TRIP4: variants seen among roughly 807,000 people sequenced by gnomAD.
TRIP4 encodes thyroid hormone receptor interactor 4.
Under a neutral mutation model 81.8 loss-of-function variants are expected in TRIP4, and 54 were observed. The observed-to-expected ratio is 0.66, with a 90% CI of 0.53 to 0.83. TRIP4 has a LOEUF of 0.83. TRIP4 is among the 40% of genes least tolerant of loss of function. TRIP4 has a pLI of 0.00. For synonymous variants in TRIP4, 270 were observed against 242.8 expected, an observed-to-expected ratio of 1.11 and a Z score of -1.04; for missense variants, 662 against 683.6, an observed-to-expected ratio of 0.97 and a Z score of 0.35.
intron 4 of TRIP4, 135 bp downstream of exon 4, chr15:64,397,953 T>G (rs1231059765): frequency 1.1e-5 from 10 of 947,800 alleles, no homozygotes; most frequent in Non-Finnish European, 1.5e-5. Flanking sequence ...CAGGCTGGAG[T>G]GCAGTGGCAC....
At chr15:64,402,632 T>C (rs1891536826) in intron 5 of TRIP4, among the ~76,000 whole-genome samples, 1 of 151,774 alleles carries the variant, frequency 6.6e-6, no homozygotes, top group African/African-American at 2.4e-5. Context: ...CAAGTGATTC[T>C]CCTGCTTCAG....
chr15:64,419,970 C>A (rs1337638617), intron 9 of TRIP4, among the ~76,000 whole-genome samples: 1 of 151,812 alleles, frequency 6.6e-6, no homozygotes. Flanking sequence ...CGCCCGCCAC[C>A]ACACCTGGTT....
intron 4 of TRIP4, among the ~76,000 whole-genome samples, chr15:64,398,666 G>A (rs975477049): frequency 6.6e-6 from 1 of 151,950 alleles, no homozygotes; most frequent in African/African-American, 2.4e-5. Flanking sequence ...GAGATCCAAG[G>A]GCTAGGAGCC....
intron 9 of TRIP4, among the ~76,000 whole-genome samples, chr15:64,419,171 C>T (rs949074568): frequency 6.6e-6 from 1 of 152,072 alleles, no homozygotes; most frequent in Non-Finnish European, 1.5e-5. Flanking sequence ...ATTTTATTTT[C>T]CTGTCCATAT....
In TRIP4 at chr15:64,418,527, GT is replaced by G. The variant is rs750203641; in HGVS notation, c.1171-9del. 36 of 1,600,352 alleles carry G rather than the reference GT, an allele frequency of 2.2e-5. No individual in the cohort carries two copies. The highest frequency in any genetic ancestry group is 3.1e-5 in the Non-Finnish European group (36 of 1,173,678). ...CCTTATAAGATAGAACTGTATGTTT[GT>G]TTTTCTGTGTAGTGGGTTGACCACA... is the stretch of plus-strand genomic sequence containing the variant. On this transcript the variant is annotated splice_polypyrimidine_tract_variant and intron_variant, in intron 8 of 12. Transcript: ENST00000261884.
At chr15:64,454,133 CT>C (rs879675137) in intron 12 of TRIP4, among the ~76,000 whole-genome samples, 230 of 134,182 alleles carry the variant, frequency 1.7e-3, no homozygotes, top group Middle Eastern at 3.7e-3. Context: ...TTTTTGTTTT[CT>C]TTTTTTTTTT....
chr15:64,441,497 G>A (rs1892517232), intron 11 of TRIP4, among the ~76,000 whole-genome samples: 1 of 149,324 alleles, frequency 6.7e-6, no homozygotes, highest in Non-Finnish European at 1.5e-5. Context: ...GAGAGGGCCG[G>A]GCGTGGTGGC....
chr15:64,425,679 T>C, intron 11 of TRIP4, 48 bp downstream of exon 11: 1 of 1,512,616 alleles, frequency 6.6e-7, no homozygotes, highest in Non-Finnish European at 9.0e-7. Context: ...TTCGCCATGT[T>C]GGCCAGGCTG....
At chr15:64,392,687 G>A (rs1472449202) in intron 1 of TRIP4, among the ~76,000 whole-genome samples, 2 of 152,024 alleles carry the variant, frequency 1.3e-5, no homozygotes, top group South Asian at 2.1e-4. Flanking sequence ...TGCAATCATG[G>A]CTCTGCAGCC....
At chr15:64,420,214 C>T (rs1158685266) in intron 9 of TRIP4, among the ~76,000 whole-genome samples, 7 of 151,714 alleles carry the variant, frequency 4.6e-5, no homozygotes, top group Admixed American at 6.6e-5. Context: ...CTCCACCTCC[C>T]GGGTTCAAGC....
chr15:64,442,005 C>T (rs924598281), intron 11 of TRIP4, among the ~76,000 whole-genome samples: 1 of 151,890 alleles, frequency 6.6e-6, no homozygotes, highest in Non-Finnish European at 1.5e-5. Flanking sequence ...GAGGCAGGAA[C>T]AACAAGGAAG....
At chr15:64,392,238 C>CTTGAACCTGGG (rs1900157337) in intron 1 of TRIP4, among the ~76,000 whole-genome samples, 1 of 151,964 alleles carries the variant, frequency 6.6e-6, no homozygotes, top group African/African-American at 2.4e-5. Flanking sequence ...ATGGAGTTTG[C>CTTGAACCTGGG]AGTGAGCTGA....
At chr15:64,431,831 T>TTTTA (rs1555411155) in intron 11 of TRIP4, among the ~76,000 whole-genome samples, 10 of 42,398 alleles carry the variant, frequency 2.4e-4, no homozygotes, top group African/African-American at 4.1e-4. Flanking sequence ...ACCATTTATA[T>TTTTA]TATATATATA....
At position 64,423,049 on chromosome 15, in the gene TRIP4, T is replaced by C. The variant is rs547262981; in HGVS notation, c.1359-982T>C. On this transcript the variant is annotated intron_variant, in intron 9 of 12. Coordinates refer to ENST00000261884, the MANE Select transcript of TRIP4 (RefSeq NM_016213.5). ...TGGGAGGGGAAAGAGAAACATCTTT[T>C]TGTAATCCTTGGAAAGTAGCAATTA... 2.4e-4 allele frequency among the ~76,000 whole-genome samples: 37 copies of C among 152,298 alleles called. No homozygotes were observed. The South Asian group carries it at 7.5e-3, about 31-fold the overall frequency.
intron 9 of TRIP4, among the ~76,000 whole-genome samples, chr15:64,419,483 C>T (rs1039731830): frequency 1.3e-5 from 2 of 151,760 alleles, no homozygotes; most frequent in African/African-American, 4.8e-5. Flanking sequence ...CTCAGCCTCC[C>T]AGGTAGCTGG....
Position 64,454,989 on chromosome 15 carries a change from C to G in TRIP4, c.1679-8C>G, listed in dbSNP as rs1249362960. The G allele has an allele frequency of 1.7e-5, 27 of 1,613,298 alleles. No individual in the cohort carries two copies. Among genetic ancestry groups the G allele is most frequent in the Non-Finnish European group, 2.1e-5 (25 of 1,179,592 alleles). ...ATAAATAATGAGACTTATTTTTCTC[C>G]CTTACAGGGAAATTGGATTCCAAGA... On this transcript the variant is annotated splice_polypyrimidine_tract_variant and splice_region_variant and intron_variant, in intron 12 of 12. Transcript: ENST00000261884.
intron 11 of TRIP4, among the ~76,000 whole-genome samples, chr15:64,427,577 T>C (rs993832404): frequency 4.6e-5 from 7 of 152,136 alleles, no homozygotes; most frequent in Admixed American, 1.3e-4. Context: ...GATTTCACCA[T>C]GTTGGCGAAG....
chr15:64,449,957 G>A (rs1213771371), intron 12 of TRIP4, among the ~76,000 whole-genome samples: 1 of 152,172 alleles, frequency 6.6e-6, no homozygotes, highest in Admixed American at 6.5e-5. Context: ...TAGGCACTAT[G>A]ATTGAGGATG....
chr15:64,412,738 A>T (rs1209489070), intron 7 of TRIP4, among the ~76,000 whole-genome samples: 1 of 152,148 alleles, frequency 6.6e-6, no homozygotes, highest in Non-Finnish European at 1.5e-5. Flanking sequence ...TGTTATCCAC[A>T]AACGTTTTGT....
Sources: allele counts gnomAD v4.1 joint callset (sites outside exome capture counted in the v4.1 genomes callset), GRCh38; gene constraint gnomAD v4.1.1; transcripts MANE v1.5; gene names NCBI Gene and HGNC (gene_info 2026-07-23, HGNC 2026-07-21).